The following SV2C variants were observed in gnomAD, a reference collection of about 807,000 sequenced individuals.
The protein encoded by SV2C is synaptic vesicle glycoprotein 2C, also known as solute carrier family 22 member B3.
In SV2C, 49 loss-of-function variants were observed where a neutral mutation model predicts 79.7. The observed-to-expected ratio is 0.61, with a 90% CI of 0.49 to 0.78. SV2C has a LOEUF of 0.78. Among genes scored for constraint, SV2C ranks in the 30% least tolerant of loss-of-function variants. SV2C has a pLI of 0.00. For synonymous variants in SV2C, 334 were observed against 333.2 expected (o/e 1.00, Z -0.03); for missense variants, 833 against 912.9 (o/e 0.91, Z 1.13).
At chr5:76,103,083 A>G (rs1002475350) in intron 1 of SV2C, among the ~76,000 whole-genome samples, 5 of 152,210 alleles carry the variant, frequency 3.3e-5, no homozygotes, top group African/African-American at 4.8e-5. Flanking sequence ...CCATACAGGA[A>G]TGTGTAAAAA....
intron 1 of SV2C, among the ~76,000 whole-genome samples, chr5:76,092,668 A>C (rs1226833864): frequency 6.6e-6 from 1 of 151,808 alleles, no homozygotes; most frequent in Admixed American, 6.6e-5. Flanking sequence ...CACATTTTTC[A>C]CTCTACTCGA....
At chr5:76,025,923 A>G in the SV2C span, among the ~76,000 whole-genome samples, 1 of 152,282 alleles carries the variant, frequency 6.6e-6, no homozygotes, top group South Asian at 2.1e-4. Flanking sequence ...GTTTTTCAGA[A>G]GTTTGTCTGG....
chr5:76,104,958 G>A (rs1747860377), intron 1 of SV2C, among the ~76,000 whole-genome samples: 2 of 152,188 alleles, frequency 1.3e-5, no homozygotes, highest in Admixed American at 1.3e-4. Context: ...AGTTGCAGAA[G>A]CTGTCTCTAT....
intron 3 of SV2C, among the ~76,000 whole-genome samples, chr5:76,209,176 A>G (rs1011562285): frequency 6.6e-6 from 1 of 152,176 alleles, no homozygotes; most frequent in Admixed American, 6.5e-5. Flanking sequence ...GACTAGAGCT[A>G]ATCTTGGAAA....
chr5:76,264,477 T>C (rs1044818666), intron 4 of SV2C, among the ~76,000 whole-genome samples: 2 of 152,164 alleles, frequency 1.3e-5, no homozygotes, highest in Non-Finnish European at 2.9e-5. Context: ...GTGCCCTTGC[T>C]GGAGAGAAGT....
chr5:75,878,053 A>G, the SV2C span, among the ~76,000 whole-genome samples: 5 of 152,232 alleles, frequency 3.3e-5, no homozygotes, highest in African/African-American at 1.2e-4. Flanking sequence ...TGGTACACTT[A>G]AAAAGGGTGA....
chr5:76,333,347 GATCAT>G lies in SV2C; in HGVS notation c.*7803_*7807del, dbSNP rs1749237399. The G allele has an allele frequency of 6.6e-6, 1 of 152,212 alleles. No homozygotes were observed. Among genetic ancestry groups the G allele is most frequent in the Admixed American group, 6.5e-5 (1 of 15,286 alleles). The allele number at this position is 152,212 out of a possible 1,614,324, so 9.4% of individuals were successfully genotyped here. A position where few individuals can be genotyped will look rare whatever the true frequency, so the allele number is the denominator to read the frequency against. ...TCCTGATCCAGGAACATATTGAACA[GATCAT>G]ATGTCTTTTGTTACTATCTAGATAC... On this transcript the variant is annotated 3_prime_UTR_variant, in exon 13 of 13. Transcript: ENST00000502798.
At chr5:76,295,988 CTT>C (rs776328958) in intron 9 of SV2C, 46 bp downstream of exon 9, 1 of 1,506,284 alleles carries the variant, frequency 6.6e-7, no homozygotes, top group South Asian at 1.4e-5. Context: ...TTCACAAAAA[CTT>C]ATTTCTTCTT....
the SV2C span, among the ~76,000 whole-genome samples, chr5:75,983,648 A>G: frequency 6.6e-6 from 1 of 151,490 alleles, no homozygotes; most frequent in South Asian, 2.1e-4. Context: ...TGATGAGTGT[A>G]TTTTGCATGT....
chr5:76,140,806 C>G (rs1267941197), intron 2 of SV2C, among the ~76,000 whole-genome samples: 1 of 152,132 alleles, frequency 6.6e-6, no homozygotes, highest in East Asian at 1.9e-4. Flanking sequence ...CAGCTCTATA[C>G]CCTGCTTGAT....
At chr5:75,857,876 G>A in the SV2C span, among the ~76,000 whole-genome samples, 2 of 152,124 alleles carry the variant, frequency 1.3e-5, no homozygotes, top group African/African-American at 4.8e-5. Flanking sequence ...TATTACAAAT[G>A]TGATTGTTTT....
chr5:75,896,756 C>T, the SV2C span, among the ~76,000 whole-genome samples: 2 of 148,754 alleles, frequency 1.3e-5, no homozygotes, highest in Non-Finnish European at 2.9e-5. Context: ...TAATGATTGC[C>T]ATTCTAACTG....
At chr5:76,197,933 G>A (rs1196786283) in intron 3 of SV2C, among the ~76,000 whole-genome samples, 1 of 152,174 alleles carries the variant, frequency 6.6e-6, no homozygotes, top group African/African-American at 2.4e-5. Flanking sequence ...GGTGCTGCTA[G>A]TGCAAGTCCC....
At chr5:76,089,464 T>C (rs912544949) in intron 1 of SV2C, among the ~76,000 whole-genome samples, 1 of 152,248 alleles carries the variant, frequency 6.6e-6, no homozygotes, top group African/African-American at 2.4e-5. Context: ...GTCTTTGCTA[T>C]TGTGAATAGC....
At chr5:76,190,544 C>T (rs748621274) in intron 2 of SV2C, among the ~76,000 whole-genome samples, 27 of 152,108 alleles carry the variant, frequency 1.8e-4, no homozygotes, top group East Asian at 3.9e-4. Flanking sequence ...CATCTAGAGT[C>T]GGGGATTCGC....
chr5:75,949,366 C>T, the SV2C span, among the ~76,000 whole-genome samples: 1 of 151,930 alleles, frequency 6.6e-6, no homozygotes, highest in African/African-American at 2.4e-5. Flanking sequence ...AGAGAAGTGA[C>T]CTATTCAAGC....
the SV2C span, among the ~76,000 whole-genome samples, chr5:75,996,724 G>C: frequency 6.6e-6 from 1 of 151,894 alleles, no homozygotes; most frequent in Non-Finnish European, 1.5e-5. Context: ...GGATTCCTAA[G>C]TATTTTATTC....
intron 12 of SV2C, among the ~76,000 whole-genome samples, chr5:76,312,753 C>A (rs1047880727): frequency 1.3e-5 from 2 of 152,164 alleles, no homozygotes; most frequent in Admixed American, 6.5e-5. Context: ...CCCCCTTATG[C>A]CCCCTTATGC....
chr5:76,302,912 A>G (rs1273979262), intron 12 of SV2C, among the ~76,000 whole-genome samples: 1 of 152,188 alleles, frequency 6.6e-6, no homozygotes, highest in Non-Finnish European at 1.5e-5. Context: ...GAACTATGCC[A>G]AAACATTTGG....
Sources: gnomAD v4.1 joint callset for allele counts (sites outside exome capture counted in the v4.1 genomes callset) on GRCh38, gnomAD v4.1.1 for gene constraint, MANE v1.5 for transcripts, NCBI Gene and HGNC (gene_info 2026-07-23, HGNC 2026-07-21) for gene names.